PPIL4: variants seen among roughly 807,000 people sequenced by gnomAD.
The protein encoded by PPIL4 is peptidylprolyl isomerase like 4, also known as peptidyl-prolyl cis-trans isomerase-like 4.
A neutral mutation model predicts 69.1 loss-of-function variants in PPIL4; 50 were observed. The ratio of observed to expected loss-of-function variants is 0.72; its 90% CI spans 0.58 to 0.92. The LOEUF is 0.92. PPIL4 is among the 40% of genes least tolerant of loss of function. The probability of loss-of-function intolerance (pLI) is 0.00; values close to 1 mark genes in which losing one functional copy is unlikely to be tolerated. For synonymous variants in PPIL4, 193 were observed against 191.6 expected, an observed-to-expected ratio of 1.01 and a Z score of -0.06; for missense variants, 480 against 587.9, an observed-to-expected ratio of 0.82 and a Z score of 1.90.
chr6:149,523,766 T>TCTATGAGCACATAGA, intron 9 of PPIL4, among the ~76,000 whole-genome samples: 1 of 152,008 alleles, frequency 6.6e-6, no homozygotes, highest in Non-Finnish European at 1.5e-5. Flanking sequence ...CAGTCATTAG[T>TCTATGAGCACATAGA]CTATGTGCTA....
intron 1 of PPIL4, 147 bp from the exon 2 acceptor site, chr6:149,541,733 C>A: frequency 1.9e-6 from 1 of 530,074 alleles, no homozygotes; most frequent in Non-Finnish European, 3.4e-6. Context: ...GGCAATAGGC[C>A]GGGCGCTGGC....
intron 1 of PPIL4, among the ~76,000 whole-genome samples, chr6:149,543,247 C>A (rs771158243): frequency 6.6e-6 from 1 of 152,110 alleles, no homozygotes; most frequent in Non-Finnish European, 1.5e-5. Flanking sequence ...TAAACTGGAA[C>A]CTAATCAAGG....
At chr6:149,522,142 T>C (rs1007725458) in intron 9 of PPIL4, among the ~76,000 whole-genome samples, 2 of 152,196 alleles carry the variant, frequency 1.3e-5, no homozygotes, top group African/African-American at 2.4e-5. Flanking sequence ...AGGCAATCAG[T>C]GTACGTTTCA....
intron 7 of PPIL4, among the ~76,000 whole-genome samples, chr6:149,531,718 G>A (rs192645951): frequency 2.9e-4 from 44 of 152,056 alleles, no homozygotes; most frequent in African/African-American, 9.9e-4. Flanking sequence ...TGCCCAGGCC[G>A]GAGTGCAATG....
intron 9 of PPIL4, among the ~76,000 whole-genome samples, chr6:149,524,615 A>G (rs939686142): frequency 6.6e-6 from 1 of 152,174 alleles, no homozygotes; most frequent in Non-Finnish European, 1.5e-5. Context: ...AAGTTCTAAG[A>G]TTGGCTGAGT....
intron 4 of PPIL4, among the ~76,000 whole-genome samples, chr6:149,536,437 T>A (rs1273303607): frequency 6.6e-6 from 1 of 152,300 alleles, no homozygotes; most frequent in African/African-American, 2.4e-5. Flanking sequence ...AAACAATAGC[T>A]GAGTTGTAAA....
intron 12 of PPIL4, among the ~76,000 whole-genome samples, chr6:149,510,137 T>C (rs1776821235): frequency 6.6e-6 from 1 of 152,144 alleles, no homozygotes; most frequent in South Asian, 2.1e-4. Flanking sequence ...GAAAACGGGA[T>C]GAGGCATGAA....
intron 7 of PPIL4, among the ~76,000 whole-genome samples, chr6:149,527,128 G>C (rs531493762): frequency 1.3e-5 from 2 of 152,166 alleles, no homozygotes; most frequent in Non-Finnish European, 2.9e-5. Flanking sequence ...GGAGGCCAAG[G>C]GGGGCAGATA....
intron 1 of PPIL4, 142 bp from the exon 2 acceptor site, chr6:149,541,728 T>C (rs1202608473): frequency 3.7e-6 from 2 of 540,690 alleles, no homozygotes; most frequent in African/African-American, 1.9e-5. Context: ...AAAAGGGCAA[T>C]AGGCCGGGCG....
chr6:149,519,492 T>G (rs75872126), intron 10 of PPIL4, among the ~76,000 whole-genome samples: 3,654 of 152,300 alleles, frequency 0.024, 169 homozygotes, highest in African/African-American at 0.083. Flanking sequence ...AAAAAAATCT[T>G]AGTGCTTCAA....
intron 10 of PPIL4, among the ~76,000 whole-genome samples, chr6:149,519,839 C>A (rs887840278): frequency 6.6e-6 from 1 of 152,112 alleles, no homozygotes; most frequent in African/African-American, 2.4e-5. Flanking sequence ...AAGAAAGTAA[C>A]CCTGAAATTC....
chr6:149,506,087 G>C (rs1009610392), intron 12 of PPIL4, among the ~76,000 whole-genome samples: 1 of 152,118 alleles, frequency 6.6e-6, no homozygotes, highest in African/African-American at 2.4e-5. Flanking sequence ...TTATTGATCT[G>C]CAATGAAACT....
chr6:149,526,895 G>T, intron 7 of PPIL4, 119 bp from the exon 8 acceptor site: 2 of 992,180 alleles, frequency 2.0e-6, no homozygotes, highest in South Asian at 1.5e-5. Flanking sequence ...CAAACTGCAG[G>T]CTCTGGAAAA....
At chr6:149,528,667 G>C (rs1018031378) in intron 7 of PPIL4, among the ~76,000 whole-genome samples, 47 of 152,174 alleles carry the variant, frequency 3.1e-4, no homozygotes, top group Admixed American at 1.3e-4. Flanking sequence ...ATTCATTGCT[G>C]GTAGGAATGT....
intron 12 of PPIL4, among the ~76,000 whole-genome samples, chr6:149,506,303 ACT>A (rs541501518): frequency 3.9e-4 from 59 of 152,038 alleles, no homozygotes; most frequent in Non-Finnish European, 7.9e-4. Context: ...ACATGGAGAA[ACT>A]CTACTAAAAA....
At chr6:149,511,154 G>A (rs80187807) in intron 12 of PPIL4, among the ~76,000 whole-genome samples, 1,675 of 151,532 alleles carry the variant, frequency 0.011, 27 homozygotes, top group Middle Eastern at 0.024. Context: ...TCAGCCCACT[G>A]AAATCCTTCT....
At chr6:149,522,415 T>C (rs566586225) in intron 9 of PPIL4, among the ~76,000 whole-genome samples, 9 of 152,306 alleles carry the variant, frequency 5.9e-5, no homozygotes, top group Non-Finnish European at 8.8e-5. Flanking sequence ...TATAAACCTA[T>C]AGTGATTAAC....
intron 8 of PPIL4, 107 bp downstream of exon 8, chr6:149,526,545 T>C: frequency 1.9e-6 from 2 of 1,047,146 alleles, no homozygotes; most frequent in Non-Finnish European, 2.8e-6. Context: ...AATTCACCAG[T>C]ACAAAATTCG....
chr6:149,512,510 C>CT (rs1776868434), intron 11 of PPIL4, among the ~76,000 whole-genome samples: 1 of 151,840 alleles, frequency 6.6e-6, no homozygotes, highest in African/African-American at 2.4e-5. Flanking sequence ...CCTAAACAAT[C>CT]TTAAAATAAA....
Sources: allele counts gnomAD v4.1 joint callset (sites outside exome capture counted in the v4.1 genomes callset), GRCh38; gene constraint gnomAD v4.1.1; transcripts MANE v1.5; gene names NCBI Gene and HGNC (gene_info 2026-07-23, HGNC 2026-07-21).